TMEM165: variants seen among roughly 807,000 people sequenced by gnomAD.
The protein encoded by TMEM165 is transmembrane protein 165, also known as putative divalent cation/proton antiporter TMEM165.
Under a neutral mutation model 30.0 loss-of-function variants are expected in TMEM165, and 19 were observed. The ratio of observed to expected loss-of-function variants is 0.63; its 90% CI spans 0.44 to 0.93. The LOEUF is 0.93. TMEM165 is among the 40% of genes least tolerant of loss of function. The pLI, the probability that TMEM165 is intolerant of heterozygous loss-of-function variation, is 0.00. For missense variants in TMEM165, 340 were observed against 417.0 expected (o/e 0.82, Z 1.61); for synonymous variants, 168 against 162.9 (o/e 1.03, Z -0.24).
chr4:55,401,549 A>G (rs1053919650), intron 1 of TMEM165, among the ~76,000 whole-genome samples: 4 of 150,730 alleles, frequency 2.7e-5, no homozygotes, highest in African/African-American at 1.0e-4. Context: ...TGTTCTTGTT[A>G]TCATATTTTT....
intron 1 of TMEM165, among the ~76,000 whole-genome samples, chr4:55,400,451 T>C (rs377431385): frequency 7.3e-6 from 1 of 137,326 alleles, no homozygotes; most frequent in East Asian, 2.0e-4. Context: ...ATATAATATA[T>C]ATATATTTTT....
chr4:55,430,530 G>GT (rs963741095), downstream of TMEM165: 38 of 152,264 alleles, frequency 2.5e-4, no homozygotes, highest in African/African-American at 8.7e-4. Flanking sequence ...TTCATCCCCA[G>GT]TGTTTCCACA....
chr4:55,438,139 GC>G, intron 3 of TMEM165: 5 of 1,134,238 alleles, frequency 4.4e-6, no homozygotes, highest in Non-Finnish European at 6.2e-6. Context: ...ACCAGAACAA[GC>G]TTTCTATCTT....
intron 3 of TMEM165, chr4:55,449,971 T>A: frequency 7.9e-7 from 1 of 1,261,362 alleles, no homozygotes; most frequent in Non-Finnish European, 1.1e-6. Flanking sequence ...GGTTACTACA[T>A]TTCAGAAATG....
chr4:55,450,015 A>G, intron 3 of TMEM165: 1 of 1,523,680 alleles, frequency 6.6e-7, no homozygotes, highest in Non-Finnish European at 9.1e-7. Context: ...GCGTTTGATG[A>G]GAAATGCTGA....
intron 1 of TMEM165, among the ~76,000 whole-genome samples, chr4:55,399,585 T>C (rs1314042153): frequency 6.6e-6 from 1 of 152,162 alleles, no homozygotes; most frequent in Non-Finnish European, 1.5e-5. Flanking sequence ...ATTTTTAAGA[T>C]AGAAATGATG....
In TMEM165 at chr4:55,435,402, G is replaced by A. The variant is rs1175321470; in HGVS notation, c.408+10759G>A. 3 of 1,613,812 alleles carry A rather than the reference G, an allele frequency of 1.9e-6. No homozygotes were observed. The Admixed American group carries it at 5.0e-5, about 27-fold the overall frequency. On this transcript the variant is annotated intron_variant, in intron 3 of 3. Coordinates refer to the TMEM165 transcript ENST00000608091. ...CCCTTCCTCCCTTGATGTCAAGAGA[G>A]GAAGCACGTGTGCTACTGTGGTTGA...
At chr4:55,427,827 A>T (rs1008914889), downstream of TMEM165, 4 of 152,202 alleles carry the variant, frequency 2.6e-5, no homozygotes, top group African/African-American at 9.7e-5. Flanking sequence ...ATTTTTGGTA[A>T]GTCAGACCTA....
chr4:55,400,300 T>A (rs1222583440), intron 1 of TMEM165, among the ~76,000 whole-genome samples: 8 of 105,998 alleles, frequency 7.5e-5, no homozygotes, highest in Non-Finnish European at 1.4e-4. Flanking sequence ...ATATATAATA[T>A]TATATATAAT....
chr4:55,450,371 A>C, intron 3 of TMEM165: 1 of 898,984 alleles, frequency 1.1e-6, no homozygotes, highest in Non-Finnish European at 1.8e-6. Flanking sequence ...TACACATGTA[A>C]AGAAATGAAA....
At chr4:55,427,976 C>A (rs1722304463), downstream of TMEM165, 1 of 152,188 alleles carries the variant, frequency 6.6e-6, no homozygotes. Context: ...TTATGTGCCA[C>A]ATGAAGCAGG....
At chr4:55,436,008 C>A (rs1193928027) in intron 3 of TMEM165, among the ~76,000 whole-genome samples, 1 of 152,118 alleles carries the variant, frequency 6.6e-6, no homozygotes, top group Non-Finnish European at 1.5e-5. Flanking sequence ...CTGGTTAGAG[C>A]GGCACAGTTA....
intron 4 of TMEM165, 46 bp from the exon 5 acceptor site, chr4:55,424,492 A>G (rs772835384): frequency 8.8e-7 from 1 of 1,137,414 alleles, no homozygotes; most frequent in Non-Finnish European, 1.3e-6. Flanking sequence ...CTCAAGCAGC[A>G]GTTGTCACCT....
At position 55,425,495 on chromosome 4, in the gene TMEM165, TTA is replaced by T. The variant is rs1560399371; in HGVS notation, c.*45_*46del. On this transcript the variant is annotated 3_prime_UTR_variant, in exon 6 of 6. Coordinates refer to ENST00000381334, the MANE Select transcript of TMEM165 (RefSeq NM_018475.5). Reference sequence around the variant, plus strand: ...TATATTTAGTTTAAAATAGGTAGTATTATCTTTCTGTACATAGTGTACATTAC... The same window carrying T: ...TATATTTAGTTTAAAATAGGTAGTATTCTTTCTGTACATAGTGTACATTAC... 13 of 1,450,820 alleles carry T rather than the reference TTA, an allele frequency of 9.0e-6. No individual in the cohort carries two copies. Among genetic ancestry groups the T allele is most frequent in the Middle Eastern group, 1.7e-4 (1 of 5,752 alleles). The allele number at this position is 1,450,820 out of a possible 1,614,324, so 89.9% of individuals were successfully genotyped here. A position where few individuals can be genotyped will look rare whatever the true frequency, so the allele number is the denominator to read the frequency against.
At chr4:55,427,756 T>C (rs1206408344), downstream of TMEM165, 1 of 152,218 alleles carries the variant, frequency 6.6e-6, no homozygotes, top group East Asian at 1.9e-4. Context: ...CATATGCGAA[T>C]AAGAACAGCA....
intron 1 of TMEM165, among the ~76,000 whole-genome samples, chr4:55,404,304 C>T (rs1430978776): frequency 1.3e-5 from 2 of 152,030 alleles, no homozygotes; most frequent in South Asian, 2.1e-4. Flanking sequence ...CGTGAGCCAC[C>T]ATGCCCAGCC....
chr4:55,422,073 T>A (rs1267249506), intron 4 of TMEM165, among the ~76,000 whole-genome samples: 1 of 152,080 alleles, frequency 6.6e-6, no homozygotes, highest in East Asian at 1.9e-4. Context: ...ACCAGGAATG[T>A]TGTTGTGCTT....
In TMEM165 at chr4:55,411,466, G is replaced by A. The variant is rs145491983; in HGVS notation, c.208-148G>A. 6,532 of 687,266 alleles carry A rather than the reference G, an allele frequency of 9.5e-3. 53 individuals are homozygous for A. The highest frequency in any genetic ancestry group is 0.013 in the Non-Finnish European group (5,326 of 408,760). The allele number at this position is 687,266 out of a possible 1,614,324, so 42.6% of individuals were successfully genotyped here. The stretch of plus-strand genomic sequence containing the variant: ...GCAACCATCGTCAGAGGTTACCGTC[G>A]TTACTGATGGCTTTCAGAGTGATTA... On this transcript the variant is annotated intron_variant, in intron 1 of 5. Coordinates refer to ENST00000381334, the MANE Select transcript of TMEM165 (RefSeq NM_018475.5).
intron 2 of TMEM165, chr4:55,416,118 G>A (rs961473925): frequency 2.6e-5 from 4 of 152,232 alleles, no homozygotes; most frequent in African/African-American, 9.7e-5. Context: ...GTCTCCCAAA[G>A]TGCTGGGATT....
Sources: allele counts gnomAD v4.1 joint callset (sites outside exome capture counted in the v4.1 genomes callset), GRCh38; gene constraint gnomAD v4.1.1; transcripts MANE v1.5; gene names NCBI Gene and HGNC (gene_info 2026-07-23, HGNC 2026-07-21).